FXYD5: variants seen among roughly 807,000 people sequenced by gnomAD.
The protein encoded by FXYD5 is FXYD domain containing ion transport regulator 5, also known as FXYD domain-containing ion transport regulator 5.
FXYD5 carries 21 observed loss-of-function variants against 25.7 expected under a neutral mutation model. That is an observed-to-expected ratio of 0.82 (90% CI 0.58 to 1.18). The LOEUF (loss-of-function observed/expected upper bound fraction) is 1.18. FXYD5 is among the 50% of genes most tolerant of loss of function. The pLI, the probability that FXYD5 is intolerant of heterozygous loss-of-function variation, is 0.00. For synonymous variants in FXYD5, 101 were observed against 90.7 expected, an observed-to-expected ratio of 1.11 and a Z score of -0.64; for missense variants, 229 against 227.7, an observed-to-expected ratio of 1.01 and a Z score of -0.04.
rs1339516430 is a variant in FXYD5, at chr19:35,155,559, C to T, written c.9C>T (p.Pro3=). MS[P]SGRLCLLTIV... Reference sequence around the variant, plus strand: ...ATCGCCTGGTCCCACAGATGTCGCCCTCTGGTCGCCTGTGTCTTCTCACCA... The same window carrying T: ...ATCGCCTGGTCCCACAGATGTCGCCTTCTGGTCGCCTGTGTCTTCTCACCA... Residue 3 remains proline, a synonymous_variant, in exon 2 of 9, where the codon CCC becomes CCT. Coordinates refer to ENST00000392219, the MANE Select transcript of FXYD5 (RefSeq NM_014164.6). 3.1e-6 allele frequency: 5 copies of T among 1,610,314 alleles called. No individual in the cohort carries two copies. The highest frequency in any genetic ancestry group is 4.2e-6 in the Non-Finnish European group (5 of 1,179,734).
chr19:35,156,665 T>A (rs1168687962), intron 2 of FXYD5, among the ~76,000 whole-genome samples: 2 of 151,988 alleles, frequency 1.3e-5, no homozygotes, highest in East Asian at 3.9e-4. Context: ...TGGGTTGGGA[T>A]GAGAAGGGGC....
rs759372591 is a variant in FXYD5, at chr19:35,166,136, C to G, written c.383-6C>G. The G allele has an allele frequency of 3.1e-6, 5 of 1,613,682 alleles. No individual in the cohort carries two copies. The African/African-American group carries it at 6.7e-5, about 22-fold the overall frequency. ...ACCCTGACTTGCTCTTTGTCTGCCT[C>G]TCCAGGTTTTCATGAGGATGACCCC... On this transcript the variant is annotated splice_region_variant and splice_polypyrimidine_tract_variant and intron_variant, in intron 6 of 8. Transcript: ENST00000392219.
intron 1 of FXYD5, chr19:35,155,182 C>A (rs889484874): frequency 3.6e-6 from 1 of 278,470 alleles, no homozygotes; most frequent in Non-Finnish European, 6.8e-6. Context: ...GGCCTCCTAT[C>A]TACTCCTCTG....
chr19:35,158,499 C>T (rs2065377529), intron 4 of FXYD5, 99 bp downstream of exon 4: 5 of 764,146 alleles, frequency 6.5e-6, no homozygotes, highest in Non-Finnish European at 1.2e-5. Flanking sequence ...CATTTCAGTC[C>T]CTACTCCCAG....
Position 35,161,221 on chromosome 19 carries a change from A to ACACACACAC in FXYD5, c.292+420_292+421insCACACACAC, listed in dbSNP as rs2065401864. Among the ~76,000 whole-genome samples the ACACACACAC allele has an allele frequency of 6.0e-4, 23 of 38,242 alleles. 1 individual carries two copies. Among genetic ancestry groups the ACACACACAC allele is most frequent in the African/African-American group, 2.3e-3 (20 of 8,884 alleles). The allele number at this position is 38,242 out of a possible 152,430, so 25.1% of individuals were successfully genotyped here. A position where few individuals can be genotyped will look rare whatever the true frequency, so the allele number is the denominator to read the frequency against. ...TGCAAAATATAGAAAATTCACCTTA[A>ACACACACAC]ACACACACACACACACACACACACA... On this transcript the variant is annotated intron_variant, in intron 5 of 8. Transcript: ENST00000392219.
chr19:35,162,738 C>G (rs1486454668), intron 5 of FXYD5, among the ~76,000 whole-genome samples: 1 of 152,164 alleles, frequency 6.6e-6, no homozygotes, highest in East Asian at 1.9e-4. Context: ...AGCTGTCACT[C>G]AATATCCCTA....
chr19:35,162,096 C>T (rs924053549), intron 5 of FXYD5, among the ~76,000 whole-genome samples: 3 of 152,230 alleles, frequency 2.0e-5, no homozygotes, highest in African/African-American at 7.2e-5. Flanking sequence ...AGCATTCTCA[C>T]ATCACTGCAT....
At chr19:35,163,224 C>T (rs1028592593) in intron 5 of FXYD5, among the ~76,000 whole-genome samples, 4 of 152,182 alleles carry the variant, frequency 2.6e-5, no homozygotes, top group African/African-American at 9.7e-5. Flanking sequence ...AATGCATTCC[C>T]TGAATATCTT....
At chr19:35,161,514 G>C (rs180776757) in intron 5 of FXYD5, among the ~76,000 whole-genome samples, 1 of 152,196 alleles carries the variant, frequency 6.6e-6, no homozygotes, top group African/African-American at 2.4e-5. Context: ...TGGTTCAGCT[G>C]GAGTCACATG....
At chr19:35,161,345 G>A (rs1627280) in intron 5 of FXYD5, among the ~76,000 whole-genome samples, 57,218 of 151,868 alleles carry the variant, frequency 0.38, 10,963 homozygotes, top group Non-Finnish European at 0.4. Flanking sequence ...TGAGTGCTTT[G>A]TTCCCTCTCT....
chr19:35,159,819 C>A, intron 4 of FXYD5: 1 of 726,042 alleles, frequency 1.4e-6, no homozygotes, highest in Non-Finnish European at 2.1e-6. Flanking sequence ...AGGGACGCAG[C>A]TGGAATCGAA....
intron 2 of FXYD5, 136 bp from the exon 3 acceptor site, chr19:35,157,285 A>G (rs1373100423): frequency 3.5e-6 from 2 of 571,506 alleles, no homozygotes; most frequent in Admixed American, 3.0e-5. Context: ...TTTCAGAATT[A>G]TGGATTGATG....
chr19:35,155,256 G>A (rs2065342196), intron 1 of FXYD5: 1 of 500,364 alleles, frequency 2.0e-6, no homozygotes, highest in Non-Finnish European at 3.6e-6. Flanking sequence ...GCGCAGGGAG[G>A]TGTTTCTCTG....
Position 35,164,178 on chromosome 19 carries a change from G to A in FXYD5, c.315G>A (p.Thr105=), listed in dbSNP as rs775766253. 19 of 1,613,788 alleles carry A rather than the reference G, an allele frequency of 1.2e-5. No homozygotes were observed. The highest frequency in any genetic ancestry group is 9.9e-5 in the South Asian group (9 of 91,080). The change falls in exon 6 of 9, where the codon ACG becomes ACA. Residue 105 remains threonine, a synonymous_variant. Transcript: ENST00000392219. ...CAGCTCATCCCACTGATGACACCAC[G>A]ACGCTCTCTGAGAGACCATCCCCAA... ...TKAAHPTDDT[T]TLSERPSPST...
chr19:35,161,494 T>C (rs910888019), intron 5 of FXYD5, among the ~76,000 whole-genome samples: 4 of 152,214 alleles, frequency 2.6e-5, no homozygotes, highest in Non-Finnish European at 5.9e-5. Flanking sequence ...GGCCTAGAAT[T>C]GACTCTCATT....
At chr19:35,160,291 G>A (rs530111462) in intron 4 of FXYD5, among the ~76,000 whole-genome samples, 1 of 152,254 alleles carries the variant, frequency 6.6e-6, no homozygotes, top group Non-Finnish European at 1.5e-5. Flanking sequence ...GTGCAGGAGT[G>A]TCCCCCTTCC....
intron 8 of FXYD5, among the ~76,000 whole-genome samples, chr19:35,167,834 G>A (rs2065464292): frequency 6.6e-6 from 1 of 152,146 alleles, no homozygotes; most frequent in South Asian, 2.1e-4. Flanking sequence ...TCCTGACTTT[G>A]CACCAGGTCC....
chr19:35,159,432 C>T lies in FXYD5; in HGVS notation c.199+1032C>T, dbSNP rs550808579. ...TGTTCTGCAGCTTGCTTTGTTTCTT[C>T]GTGCAGTCGTATGTTTGGAAGTTCT... On this transcript the variant is annotated intron_variant, in intron 4 of 8. Transcript: ENST00000392219. 8.6e-6 allele frequency: 13 copies of T among 1,504,916 alleles called. No individual in the cohort carries two copies. In the South Asian group the frequency reaches 9.1e-5, roughly 11 times the overall value. The allele number at this position is 1,504,916 out of a possible 1,614,324, so 93.2% of individuals were successfully genotyped here.
intron 2 of FXYD5, among the ~76,000 whole-genome samples, chr19:35,155,857 T>A (rs1205879061): frequency 6.6e-6 from 1 of 152,186 alleles, no homozygotes; most frequent in Non-Finnish European, 1.5e-5. Context: ...CATCCTCCAA[T>A]TTCACCTCCA....
Sources: allele counts gnomAD v4.1 joint callset (sites outside exome capture counted in the v4.1 genomes callset), GRCh38; gene constraint gnomAD v4.1.1; transcripts MANE v1.5; gene names NCBI Gene and HGNC (gene_info 2026-07-23, HGNC 2026-07-21).